The following JAM3 variants were observed in gnomAD, a reference collection of about 807,000 sequenced individuals.
JAM3 encodes junctional adhesion molecule 3, also known as junctional adhesion molecule C.
JAM3 carries 31 observed loss-of-function variants against 39.4 expected under a neutral mutation model. That is an observed-to-expected ratio of 0.79 (90% CI 0.59 to 1.06). The LOEUF is 1.06. Ranked by LOEUF, JAM3 falls within the 50% of genes least tolerant of loss-of-function variation. The pLI is 0.00. For synonymous variants in JAM3, 182 were observed against 148.7 expected, an observed-to-expected ratio of 1.22 and a Z score of -1.63; for missense variants, 455 against 391.4, an observed-to-expected ratio of 1.16 and a Z score of -1.37.
At chr11:134,138,235 C>T (rs1201086122) in intron 1 of JAM3, among the ~76,000 whole-genome samples, 1 of 120,410 alleles carries the variant, frequency 8.3e-6, no homozygotes, top group African/African-American at 4.0e-5. Flanking sequence ...TCCCTTAGAG[C>T]CAGTGGTGGC....
At chr11:134,082,196 C>T (rs535179811) in intron 1 of JAM3, among the ~76,000 whole-genome samples, 1 of 152,370 alleles carries the variant, frequency 6.6e-6, no homozygotes, top group Admixed American at 6.5e-5. Context: ...GCCTATACCA[C>T]ATTGTATCTG....
At position 134,119,093 on chromosome 11, in the gene JAM3, T is replaced by A. The variant is rs544289047; in HGVS notation, c.77-20758T>A. ...AAGCAAGCACATCGGCTAATTTTTG[T>A]ATTTTTTTTTTTAGTAGAGACAGAG... On this transcript the variant is annotated intron_variant, in intron 1 of 8. Transcript: ENST00000299106. Among the ~76,000 whole-genome samples the A allele has an allele frequency of 4.0e-5, 6 of 151,640 alleles. No homozygotes were observed. The South Asian group carries it at 1.2e-3, about 32-fold the overall frequency.
intron 1 of JAM3, chr11:134,123,767 G>A: frequency 1.5e-6 from 1 of 673,468 alleles, no homozygotes; most frequent in Non-Finnish European, 2.7e-6. Flanking sequence ...ACATTTCCAG[G>A]TACCAAGGGT....
intron 1 of JAM3, among the ~76,000 whole-genome samples, chr11:134,081,322 G>A (rs1941661931): frequency 6.6e-6 from 1 of 152,232 alleles, no homozygotes; most frequent in African/African-American, 2.4e-5. Flanking sequence ...TGTCTTCAGG[G>A]CATGTCAGAG....
intron 1 of JAM3, among the ~76,000 whole-genome samples, chr11:134,079,989 G>GTT: frequency 6.6e-6 from 1 of 151,196 alleles, no homozygotes; most frequent in South Asian, 2.1e-4. Flanking sequence ...GTTTTGTTTT[G>GTT]TTCTTTTTTT....
intron 1 of JAM3, among the ~76,000 whole-genome samples, chr11:134,097,820 TTTTAAA>T (rs1403444674): frequency 6.6e-6 from 1 of 151,714 alleles, no homozygotes; most frequent in Admixed American, 6.6e-5. Flanking sequence ...ATCTTCAGAT[TTTTAAA>T]TTTAAAGTCT....
intron 1 of JAM3, among the ~76,000 whole-genome samples, chr11:134,084,813 AGCTACG>A (rs1941722100): frequency 6.6e-6 from 1 of 152,240 alleles, no homozygotes. Context: ...AAGATGCTTT[AGCTACG>A]GTCAGTTAAG....
In JAM3 at chr11:134,144,872, G is replaced by A; in HGVS notation, c.490G>A (p.Glu164Lys). ...GGCAACACTGCACTGCCAGGAGAGT[G>A]AGGGCCACCCCCGGCCTCACTACAG... is the stretch of plus-strand genomic sequence containing the variant. ...KMATLHCQES[E>K]GHPRPHYSWY... is the part of the protein sequence containing the mutation. The change falls in exon 5 of 9, where the codon GAG (glutamate) becomes AAG (lysine). Residue 164 changes from glutamate (E) to lysine (K), a missense_variant. By Grantham distance (56) the Glu-to-Lys change is moderately conservative. Coordinates refer to ENST00000299106, the MANE Select transcript of JAM3 (RefSeq NM_032801.5). The A allele has an allele frequency of 6.2e-7, 1 of 1,614,210 alleles. No individual in the cohort carries two copies. The highest frequency in any genetic ancestry group is 2.2e-5 in the East Asian group (1 of 44,874).
At chr11:134,070,224 C>T (rs1241749668) in intron 1 of JAM3, 1 of 456,272 alleles carries the variant, frequency 2.2e-6, no homozygotes, top group South Asian at 1.5e-5. Context: ...GAAGCCTCAA[C>T]TTCATATTTA....
intron 1 of JAM3, among the ~76,000 whole-genome samples, chr11:134,113,404 CATT>C (rs1166590353): frequency 1.3e-5 from 2 of 152,162 alleles, no homozygotes; most frequent in Admixed American, 1.3e-4. Context: ...CAAGTGTTCT[CATT>C]GTTCAATTCC....
At chr11:134,136,848 T>C (rs1404493656) in intron 1 of JAM3, among the ~76,000 whole-genome samples, 1 of 152,190 alleles carries the variant, frequency 6.6e-6, no homozygotes, top group Admixed American at 6.5e-5. Context: ...GCGCAGTGGC[T>C]CACGCCTGTA....
At chr11:134,119,518 T>C (rs1565495470) in intron 1 of JAM3, among the ~76,000 whole-genome samples, 1 of 152,168 alleles carries the variant, frequency 6.6e-6, no homozygotes, top group South Asian at 2.1e-4. Context: ...GATAGAGATG[T>C]ATTATAAGGA....
rs146383325 is a variant in JAM3, at chr11:134,148,797, C to G, written c.876C>G (p.Asn292Lys). The G allele has an allele frequency of 1.2e-4, 194 of 1,614,160 alleles. No homozygotes were observed. The African/African-American group carries it at 2.2e-3, about 19-fold the overall frequency. ...ACCCAGGGAAACCAGATGGAGTTAA[C>G]TACATCCGCACTGACGAGGAGGTAA... ...YKNPGKPDGV[N>K]YIRTDEEGDF... The change falls in exon 8 of 9, where the codon AAC becomes AAG. Residue 292 changes from asparagine to lysine, a missense_variant. Transcript: ENST00000299106.
intron 1 of JAM3, among the ~76,000 whole-genome samples, chr11:134,076,295 C>T (rs1941569101): frequency 6.6e-6 from 1 of 151,662 alleles, no homozygotes; most frequent in South Asian, 2.1e-4. Context: ...GCTGGGATTA[C>T]AGGCGGCCGC....
At chr11:134,127,308 C>A (rs144344289) in intron 1 of JAM3, among the ~76,000 whole-genome samples, 1 of 152,356 alleles carries the variant, frequency 6.6e-6, no homozygotes, top group East Asian at 1.9e-4. Context: ...TAATCTGAAT[C>A]ATTTTCACTT....
chr11:134,120,283 T>C (rs1240359683), intron 1 of JAM3, among the ~76,000 whole-genome samples: 7 of 152,228 alleles, frequency 4.6e-5, no homozygotes, highest in South Asian at 4.1e-4. Context: ...CAGTAATGCA[T>C]GCTGACGTGA....
chr11:134,112,918 G>T (rs533268936), intron 1 of JAM3, among the ~76,000 whole-genome samples: 6 of 152,166 alleles, frequency 3.9e-5, no homozygotes, highest in African/African-American at 1.4e-4. Context: ...AGACCAAAGA[G>T]AAAGTTATAT....
chr11:134,093,648 C>T (rs1308763976), intron 1 of JAM3, among the ~76,000 whole-genome samples: 2 of 124,586 alleles, frequency 1.6e-5, no homozygotes, highest in African/African-American at 6.4e-5. Context: ...TTACATGTCA[C>T]TTCCTGAGGG....
At chr11:134,082,465 TG>T (rs1000445210) in intron 1 of JAM3, among the ~76,000 whole-genome samples, 1 of 151,726 alleles carries the variant, frequency 6.6e-6, no homozygotes, top group East Asian at 1.9e-4. Flanking sequence ...CCTTGTAATG[TG>T]GGGGGGAACC....
Sources: allele counts gnomAD v4.1 joint callset (sites outside exome capture counted in the v4.1 genomes callset), GRCh38; gene constraint gnomAD v4.1.1; transcripts MANE v1.5; gene names NCBI Gene and HGNC (gene_info 2026-07-23, HGNC 2026-07-21).